The following MAML2 variants were observed in gnomAD, a reference collection of about 807,000 sequenced individuals.
MAML2 encodes the protein mastermind-like protein 2.
MAML2 carries 22 observed loss-of-function variants against 96.1 expected under a neutral mutation model. That is an observed-to-expected ratio of 0.23 (90% CI 0.16 to 0.33). The LOEUF (loss-of-function observed/expected upper bound fraction) is 0.33. MAML2 is among the 10% of genes least tolerant of loss of function. The pLI, the probability that MAML2 is intolerant of heterozygous loss-of-function variation, is 1.00. For missense variants in MAML2, 1,367 were observed against 1,392.4 expected (o/e 0.98, Z 0.29); for synonymous variants, 561 against 521.3 (o/e 1.08, Z -1.04).
At chr11:96,228,535 C>T (rs567583897) in intron 1 of MAML2, among the ~76,000 whole-genome samples, 1 of 152,296 alleles carries the variant, frequency 6.6e-6, no homozygotes, top group Admixed American at 6.5e-5. Context: ...TAATGGAGTG[C>T]CTGGCTAAAA....
chr11:96,029,956 A>G (rs147408048), intron 2 of MAML2, among the ~76,000 whole-genome samples: 15 of 152,320 alleles, frequency 9.8e-5, no homozygotes, highest in Admixed American at 9.8e-4. Flanking sequence ...ATATGGAGCC[A>G]GGCGCGGTGG....
At position 96,092,576 on chromosome 11, in the gene MAML2, A is replaced by G. The variant is rs1277047987; in HGVS notation, c.1455T>C (p.Phe485=). 4.4e-6 allele frequency: 7 copies of G among 1,607,990 alleles called. No individual in the cohort carries two copies. Among genetic ancestry groups the G allele is most frequent in the Non-Finnish European group, 5.1e-6 (6 of 1,175,522 alleles). Residue 485 remains phenylalanine, a synonymous_variant, in exon 2 of 5, where the codon TTT becomes TTC. Coordinates refer to ENST00000524717, the MANE Select transcript of MAML2 (RefSeq NM_032427.4). This position sits in a 1 kb window ranked among gnomAD's most constrained non-coding sequence, Gnocchi z 4.1. The part of the protein sequence containing the change: ...FGQEKIPSPS[F]GQQTFSPQSS... ...TCTGTGGGCTGAATGTCTGCTGACC[A>G]AAAGAAGGGCTGGGGATTTTCTCCT...
chr11:96,055,678 A>C (rs1020358490), intron 2 of MAML2, among the ~76,000 whole-genome samples: 1 of 152,148 alleles, frequency 6.6e-6, no homozygotes, highest in Non-Finnish European at 1.5e-5. Flanking sequence ...GAAAAAGGAG[A>C]GAGAGGGAGA....
chr11:96,018,136 A>G (rs766898120), intron 2 of MAML2, among the ~76,000 whole-genome samples: 2 of 152,176 alleles, frequency 1.3e-5, no homozygotes, highest in Non-Finnish European at 1.5e-5. Flanking sequence ...ATAAGCAACT[A>G]TGAGATTTTG....
intron 2 of MAML2, among the ~76,000 whole-genome samples, chr11:96,057,358 T>C (rs16922950): frequency 0.013 from 2,033 of 152,282 alleles, 44 homozygotes; most frequent in African/African-American, 0.046. Flanking sequence ...CAAAATAACG[T>C]CATTTATCCA....
chr11:96,204,692 A>T (rs1034219171), intron 1 of MAML2, among the ~76,000 whole-genome samples: 3 of 152,242 alleles, frequency 2.0e-5, no homozygotes, highest in Admixed American at 2.0e-4. Context: ...TATCAGAAAT[A>T]GCGCATTGCA....
In MAML2 at chr11:96,015,140, T is replaced by C. The variant is rs553612186; in HGVS notation, c.2140-23417A>G. ...GCAGCCTGACTCCAGAGCCCTGCCA[T>C]AATATCCGAAAAGAAATAATACAAA... On this transcript the variant is annotated intron_variant, in intron 2 of 4. Transcript: ENST00000524717. 3.3e-5 allele frequency among the ~76,000 whole-genome samples: 5 copies of C among 152,290 alleles called. No individual in the cohort carries two copies. The South Asian group carries it at 6.2e-4, about 19-fold the overall frequency.
At chr11:96,168,095 C>T (rs1340592925) in intron 1 of MAML2, among the ~76,000 whole-genome samples, 1 of 152,154 alleles carries the variant, frequency 6.6e-6, no homozygotes. Flanking sequence ...AGCTGACTAC[C>T]TGGGTTCAAA....
intron 1 of MAML2, among the ~76,000 whole-genome samples, chr11:96,099,000 G>A (rs971056119): frequency 7.9e-5 from 12 of 151,544 alleles, no homozygotes; most frequent in African/African-American, 2.9e-4. Context: ...CTTTGTCTCC[G>A]GTGCTGCCCT....
chr11:96,287,683 C>T (rs996762124), intron 1 of MAML2, among the ~76,000 whole-genome samples: 8 of 152,274 alleles, frequency 5.3e-5, no homozygotes, highest in South Asian at 2.1e-4. Flanking sequence ...GATTGTTCTA[C>T]GGTAATTGAA....
rs372302245 is a variant in MAML2 at position 96,079,688 on chromosome 11, T to A, written c.2139+12204A>T. On this transcript the variant is annotated intron_variant, in intron 2 of 4. Transcript: ENST00000524717. ...GCACCAAAGACACCTAGGAAGCTTC[T>A]AACACTTTCCCCTTCACACGCCCTT... Among the ~76,000 whole-genome samples, 17 of 152,326 alleles carry A rather than the reference T, an allele frequency of 1.1e-4. No individual in the cohort carries two copies. In the East Asian group the frequency reaches 1.7e-3, roughly 16 times the overall value.
At chr11:96,240,536 C>G (rs1166179204) in intron 1 of MAML2, among the ~76,000 whole-genome samples, 1 of 86,746 alleles carries the variant, frequency 1.2e-5, no homozygotes, top group Admixed American at 2.0e-4. Flanking sequence ...CCGGCCTGGG[C>G]GACAGAGCGA....
chr11:96,083,884 A>T (rs2135801506), intron 2 of MAML2, among the ~76,000 whole-genome samples: 1 of 152,312 alleles, frequency 6.6e-6, no homozygotes, highest in South Asian at 2.1e-4. Context: ...GAAGAAGCAG[A>T]GGGAGCTACC....
intron 1 of MAML2, among the ~76,000 whole-genome samples, chr11:96,244,929 C>T (rs1309434760): frequency 6.6e-6 from 1 of 152,176 alleles, no homozygotes; most frequent in East Asian, 1.9e-4. Flanking sequence ...AAAAAAGGAT[C>T]TATTTTGTCC....
At chr11:96,118,626 G>A (rs1182786016) in intron 1 of MAML2, among the ~76,000 whole-genome samples, 1 of 152,114 alleles carries the variant, frequency 6.6e-6, no homozygotes, top group African/African-American at 2.4e-5. Flanking sequence ...GTTGAACTAA[G>A]AAAGACATGA....
At chr11:96,061,008 C>T (rs944399157) in intron 2 of MAML2, among the ~76,000 whole-genome samples, 2 of 152,128 alleles carry the variant, frequency 1.3e-5, no homozygotes, top group African/African-American at 4.8e-5. Context: ...CTAGAACGAG[C>T]TTTCTTAATC....
In MAML2 at chr11:96,212,150, T is replaced by TGTGTGTGTGG. The variant is rs60072122; in HGVS notation, c.514-118634_514-118633insCCACACACAC. Among the ~76,000 whole-genome samples the TGTGTGTGTGG allele has an allele frequency of 6.8e-3, 872 of 127,572 alleles. 7 individuals are homozygous for TGTGTGTGTGG. The highest frequency in any genetic ancestry group is 0.018 in the Middle Eastern group (4 of 220). 83.7% of individuals were successfully genotyped at this position (127,572 alleles called of 152,430 possible). A position where few individuals can be genotyped will look rare whatever the true frequency, so the allele number is the denominator to read the frequency against. ...GTGTGTGTGTGTGTGTGTGTGTGTG[T>TGTGTGTGTGG]GGAAGGGGGACTCGTAATCTCATTT... On this transcript the variant is annotated intron_variant, in intron 1 of 4. Transcript: ENST00000524717.
chr11:96,029,455 T>C (rs552003501), intron 2 of MAML2, among the ~76,000 whole-genome samples: 2 of 152,282 alleles, frequency 1.3e-5, no homozygotes, highest in East Asian at 3.9e-4. Flanking sequence ...TCTTTACCAA[T>C]GTGGGAGACC....
intron 2 of MAML2, among the ~76,000 whole-genome samples, chr11:96,004,696 T>C (rs1297646777): frequency 6.6e-6 from 1 of 152,224 alleles, no homozygotes; most frequent in South Asian, 2.1e-4. Context: ...TTGGGCAAAT[T>C]ATACAATTTT....
Sources: gnomAD v4.1 joint callset for allele counts (sites outside exome capture counted in the v4.1 genomes callset) on GRCh38, gnomAD v4.1.1 for gene constraint, Gnocchi (gnomAD v3.1) non-coding constraint, MANE v1.5 for transcripts, NCBI Gene and HGNC (gene_info 2026-07-23, HGNC 2026-07-21) for gene names.